The following SPON1 variants were observed in gnomAD, a reference collection of about 807,000 sequenced individuals.
SPON1 encodes the protein spondin-1.
Under a neutral mutation model 111.7 loss-of-function variants are expected in SPON1, and 52 were observed. That is an observed-to-expected ratio of 0.47 (90% CI 0.37 to 0.59). SPON1 has a LOEUF of 0.59. SPON1 is among the 20% of genes least tolerant of loss of function. SPON1 has a pLI of 0.00. For missense variants in SPON1, 957 were observed against 1,068.5 expected (o/e 0.90, Z 1.46); for synonymous variants, 410 against 395.8 (o/e 1.04, Z -0.43).
chr11:14,113,716 C>T (rs1051143437), intron 5 of SPON1, among the ~76,000 whole-genome samples: 1 of 150,968 alleles, frequency 6.6e-6, no homozygotes, highest in Non-Finnish European at 1.5e-5. Flanking sequence ...CATTCTCCTG[C>T]CTCAGCCTCC....
intron 5 of SPON1, among the ~76,000 whole-genome samples, chr11:14,128,458 C>T (rs985442077): frequency 1.3e-5 from 2 of 152,212 alleles, no homozygotes; most frequent in South Asian, 2.1e-4. Context: ...CAGGCCACGT[C>T]GATGTAAGAG....
intron 5 of SPON1, among the ~76,000 whole-genome samples, chr11:14,110,260 A>T (rs1849217492): frequency 6.6e-6 from 1 of 152,106 alleles, no homozygotes; most frequent in South Asian, 2.1e-4. Context: ...CCATCTCCTT[A>T]TGGGCCCAGA....
intron 6 of SPON1, among the ~76,000 whole-genome samples, chr11:14,149,556 G>T (rs1048758463): frequency 3.3e-5 from 5 of 152,160 alleles, no homozygotes; most frequent in Admixed American, 3.3e-4. Context: ...ACAGTAGTGT[G>T]CAGTAATGTC....
At position 13,965,844 on chromosome 11, in the gene SPON1, G is replaced by A. The variant is rs189713160; in HGVS notation, c.238+2702G>A. Among the ~76,000 whole-genome samples the A allele has an allele frequency of 7.9e-5, 12 of 152,286 alleles. No individual in the cohort carries two copies. The East Asian group carries it at 2.3e-3, about 29-fold the overall frequency. ...CATTCTGCTCATTGTCCTGACTTAA[G>A]GCTGTGAAGCTGGCATTCCCCTGGT... On this transcript the variant is annotated intron_variant, in intron 1 of 15. Transcript: ENST00000576479.
intron 3 of SPON1, among the ~76,000 whole-genome samples, chr11:14,065,462 C>G (rs1848825476): frequency 6.6e-6 from 1 of 152,180 alleles, no homozygotes; most frequent in Non-Finnish European, 1.5e-5. Context: ...AGCAAGGACT[C>G]AGCACAGAAC....
intron 3 of SPON1, among the ~76,000 whole-genome samples, chr11:14,074,882 A>G (rs1172860685): frequency 2.6e-5 from 4 of 152,218 alleles, no homozygotes; most frequent in African/African-American, 4.8e-5. Flanking sequence ...ATAGAATGAC[A>G]TTTTCAGAAC....
intron 1 of SPON1, among the ~76,000 whole-genome samples, chr11:13,975,113 T>C (rs998861237): frequency 6.6e-6 from 1 of 152,040 alleles, no homozygotes; most frequent in Non-Finnish European, 1.5e-5. Context: ...CAGAACACAT[T>C]GTTCATACCT....
At chr11:14,019,856 A>C (rs1229550481) in intron 2 of SPON1, among the ~76,000 whole-genome samples, 1 of 152,216 alleles carries the variant, frequency 6.6e-6, no homozygotes, top group African/African-American at 2.4e-5. Flanking sequence ...ATAGGAGAGA[A>C]GGAGGATAGT....
At chr11:14,197,652 A>C (rs113766970) in intron 6 of SPON1, among the ~76,000 whole-genome samples, 3,563 of 150,012 alleles carry the variant, frequency 0.024, 155 homozygotes, top group African/African-American at 0.082. Context: ...AATATACAAA[A>C]AAAAAAAAAA....
chr11:14,025,995 C>T (rs1564888508), intron 2 of SPON1, among the ~76,000 whole-genome samples: 1 of 152,194 alleles, frequency 6.6e-6, no homozygotes. Context: ...ACAGCTGATT[C>T]TCCAGCTCCT....
chr11:14,053,212 A>G (rs1848720631), intron 3 of SPON1, among the ~76,000 whole-genome samples: 1 of 152,204 alleles, frequency 6.6e-6, no homozygotes, highest in African/African-American at 2.4e-5. Context: ...GTACATTTAT[A>G]ATGTGCAACC....
At chr11:14,118,929 G>A (rs1554926234) in intron 5 of SPON1, among the ~76,000 whole-genome samples, 1 of 152,210 alleles carries the variant, frequency 6.6e-6, no homozygotes, top group Non-Finnish European at 1.5e-5. Context: ...AAGGGTATTA[G>A]CTGATACCTG....
At chr11:13,980,366 C>A (rs1554909469) in intron 1 of SPON1, among the ~76,000 whole-genome samples, 3 of 152,074 alleles carry the variant, frequency 2.0e-5, no homozygotes, top group African/African-American at 7.2e-5. Flanking sequence ...TCTATCTGAT[C>A]TTTTACAGAC....
intron 2 of SPON1, among the ~76,000 whole-genome samples, chr11:14,001,315 G>A (rs1459441990): frequency 6.6e-6 from 1 of 152,164 alleles, no homozygotes; most frequent in African/African-American, 2.4e-5. Context: ...AACCCCAGGA[G>A]CCCTCATCAG....
At chr11:14,037,172 AC>A (rs1848600862) in intron 2 of SPON1, among the ~76,000 whole-genome samples, 1 of 152,022 alleles carries the variant, frequency 6.6e-6, no homozygotes, top group Admixed American at 6.6e-5. Flanking sequence ...CAGGTTTGTT[AC>A]ATATGTATAC....
chr11:14,127,926 A>G (rs1031890279), intron 5 of SPON1, among the ~76,000 whole-genome samples: 1 of 152,178 alleles, frequency 6.6e-6, no homozygotes, highest in Non-Finnish European at 1.5e-5. Context: ...GGAAACTGCC[A>G]CACACTTTTA....
chr11:14,151,648 T>A (rs1281619165), intron 6 of SPON1, among the ~76,000 whole-genome samples: 2 of 152,116 alleles, frequency 1.3e-5, no homozygotes, highest in Non-Finnish European at 2.9e-5. Context: ...AAATTTTTTG[T>A]CTCAGAGAAG....
chr11:14,090,824 G>GCCCCCCCCCCCC (rs1176498162), intron 5 of SPON1, among the ~76,000 whole-genome samples: 2 of 45,576 alleles, frequency 4.4e-5, no homozygotes, highest in African/African-American at 9.8e-5. Context: ...CTCTTATCTG[G>GCCCCCCCCCCCC]CCCCCCCCCC....
At chr11:13,972,802 T>C (rs1554908753) in intron 1 of SPON1, among the ~76,000 whole-genome samples, 1 of 152,192 alleles carries the variant, frequency 6.6e-6, no homozygotes. Flanking sequence ...CAGGACTCTT[T>C]CCACTGCAAG....
Sources: allele counts gnomAD v4.1 joint callset (sites outside exome capture counted in the v4.1 genomes callset), GRCh38; gene constraint gnomAD v4.1.1; transcripts MANE v1.5; gene names NCBI Gene and HGNC (gene_info 2026-07-23, HGNC 2026-07-21).